LPP: variants seen among roughly 807,000 people sequenced by gnomAD.
LPP encodes the protein LIM domain containing preferred translocation partner in lipoma.
A neutral mutation model predicts 60.4 loss-of-function variants in LPP; 38 were observed. The observed-to-expected ratio is 0.63, with a 90% CI of 0.49 to 0.83. The LOEUF (loss-of-function observed/expected upper bound fraction) is 0.83. LPP is among the 40% of genes least tolerant of loss of function. The pLI is 0.00. For synonymous variants in LPP, 328 were observed against 290.8 expected (o/e 1.13, Z -1.30); for missense variants, 902 against 783.6 (o/e 1.15, Z -1.80).
chr3:188,467,303 T>A lies in LPP; in HGVS notation c.194-17289T>A, dbSNP rs903916750. 3.0e-4 allele frequency among the ~76,000 whole-genome samples: 46 copies of A among 152,216 alleles called. 1 individual carries two copies. Among genetic ancestry groups the A allele is most frequent in the African/African-American group, 9.9e-4 (41 of 41,548 alleles). ...TCTTAAATAATATGTTTAAATTTTTTAAAAATATGCTGAAATTATAAAGAA... is the reference window on the plus strand; with the variant it reads ...TCTTAAATAATATGTTTAAATTTTTAAAAAATATGCTGAAATTATAAAGAA... On this transcript the variant is annotated intron_variant, in intron 4 of 11. Coordinates refer to ENST00000617246, the MANE Select transcript of LPP (RefSeq NM_001375462.1).
chr3:188,514,487 A>C lies in LPP; in HGVS notation c.307-10178A>C, dbSNP rs142766784. Among the ~76,000 whole-genome samples, 96 of 150,962 alleles carry C rather than the reference A, an allele frequency of 6.4e-4. 2 individuals carry two copies. In the East Asian group the frequency reaches 0.013, roughly 21 times the overall value. Reference sequence around the variant, plus strand: ...GTTTCACTCTTGTTGCCCAGGCTGGAGTGCAGTGGTAAGATCTTGGCTCAC... The same window carrying C: ...GTTTCACTCTTGTTGCCCAGGCTGGCGTGCAGTGGTAAGATCTTGGCTCAC... On this transcript the variant is annotated intron_variant, in intron 5 of 11. Coordinates refer to ENST00000617246, the MANE Select transcript of LPP (RefSeq NM_001375462.1).
intron 5 of LPP, among the ~76,000 whole-genome samples, chr3:188,505,189 C>A (rs1484355400): frequency 6.6e-6 from 1 of 152,182 alleles, no homozygotes; most frequent in African/African-American, 2.4e-5. Flanking sequence ...GGTGGCAGTG[C>A]AATCGTTGTC....
intron 6 of LPP, among the ~76,000 whole-genome samples, chr3:188,582,027 T>G (rs1836289871): frequency 6.6e-6 from 1 of 152,094 alleles, no homozygotes; most frequent in South Asian, 2.1e-4. Flanking sequence ...TTGCCAACTT[T>G]TCACAGTTAT....
chr3:188,568,725 A>G (rs937308693), intron 6 of LPP: 2 of 151,932 alleles, frequency 1.3e-5, no homozygotes, highest in African/African-American at 4.8e-5. Context: ...AACTTGTAGG[A>G]GTTTGCGAGG....
At chr3:188,304,440 A>G (rs1750877337) in intron 2 of LPP, among the ~76,000 whole-genome samples, 1 of 152,190 alleles carries the variant, frequency 6.6e-6, no homozygotes, top group African/African-American at 2.4e-5. Context: ...AAGTTACTAA[A>G]TTTAGTTTTC....
At chr3:188,429,270 A>G (rs1790296863) in intron 4 of LPP, among the ~76,000 whole-genome samples, 1 of 152,194 alleles carries the variant, frequency 6.6e-6, no homozygotes, top group South Asian at 2.1e-4. Flanking sequence ...ACAATACTTT[A>G]GAAATGATAG....
chr3:188,286,790 A>G (rs902693096), intron 2 of LPP, among the ~76,000 whole-genome samples: 2 of 152,234 alleles, frequency 1.3e-5, no homozygotes, highest in African/African-American at 4.8e-5. Context: ...TGGAGGATAT[A>G]TATTTCAAAT....
chr3:188,240,194 T>A (rs1723535687), intron 2 of LPP: 2 of 181,140 alleles, frequency 1.1e-5, no homozygotes. Flanking sequence ...TATCTGTGTG[T>A]TTCATTTTCC....
chr3:188,651,137 C>T (rs1164767134), intron 7 of LPP, among the ~76,000 whole-genome samples: 1 of 152,170 alleles, frequency 6.6e-6, no homozygotes, highest in African/African-American at 2.4e-5. Context: ...TAGACAAATT[C>T]CCTTTCAACT....
chr3:188,720,057 C>A lies in LPP; in HGVS notation c.1240+11664C>A, dbSNP rs184026746. Among the ~76,000 whole-genome samples the A allele has an allele frequency of 7.2e-3, 1,098 of 152,254 alleles. 4 individuals are homozygous for A. The highest frequency in any genetic ancestry group is 0.011 in the Non-Finnish European group (720 of 68,014). ...CCTCCCAAGTAGATGGGACTACAGG[C>A]ACGTGCCACCACGCCCAGCTAATTT... On this transcript the variant is annotated intron_variant, in intron 8 of 11. Transcript: ENST00000617246.
chr3:188,629,619 A>C (rs1205177629), intron 7 of LPP, among the ~76,000 whole-genome samples: 1 of 152,152 alleles, frequency 6.6e-6, no homozygotes, highest in Non-Finnish European at 1.5e-5. Flanking sequence ...TAGGAAAAAA[A>C]TCAATATTGT....
intron 4 of LPP, among the ~76,000 whole-genome samples, chr3:188,437,576 A>G (rs761735040): frequency 5.9e-5 from 9 of 152,204 alleles, no homozygotes; most frequent in African/African-American, 2.2e-4. Context: ...CTTTGCCAAT[A>G]TATGTTTATA....
At chr3:188,742,367 A>G (rs1437547737) in intron 8 of LPP, among the ~76,000 whole-genome samples, 1 of 152,140 alleles carries the variant, frequency 6.6e-6, no homozygotes, top group Non-Finnish European at 1.5e-5. Context: ...TATATTTATA[A>G]TGGCCAAAAA....
At chr3:188,441,147 C>T (rs1190262985) in intron 4 of LPP, among the ~76,000 whole-genome samples, 1 of 152,068 alleles carries the variant, frequency 6.6e-6, no homozygotes, top group East Asian at 1.9e-4. Flanking sequence ...TGAATTCTTA[C>T]ATATCAACCC....
chr3:188,356,315 C>T (rs1490765081), intron 3 of LPP, among the ~76,000 whole-genome samples: 4 of 152,072 alleles, frequency 2.6e-5, no homozygotes, highest in African/African-American at 7.2e-5. Flanking sequence ...CTCACTAGTT[C>T]GTGGATCACA....
intron 6 of LPP, among the ~76,000 whole-genome samples, chr3:188,554,909 A>T (rs914840235): frequency 3.9e-5 from 6 of 152,178 alleles, no homozygotes; most frequent in Non-Finnish European, 1.5e-5. Context: ...AAAAGAGTTT[A>T]TATTACTGTG....
intron 7 of LPP, among the ~76,000 whole-genome samples, chr3:188,660,942 A>G (rs922250739): frequency 1.3e-5 from 2 of 152,134 alleles, no homozygotes; most frequent in Non-Finnish European, 2.9e-5. Context: ...ATTTCCCGTC[A>G]TAGAATCATG....
intron 2 of LPP, among the ~76,000 whole-genome samples, chr3:188,306,036 T>C (rs1751413623): frequency 6.6e-6 from 1 of 152,202 alleles, no homozygotes; most frequent in Non-Finnish European, 1.5e-5. Context: ...TTATCCTCTC[T>C]AGGGTTGTTT....
chr3:188,314,193 T>G (rs993223275), intron 2 of LPP, among the ~76,000 whole-genome samples: 1 of 152,220 alleles, frequency 6.6e-6, no homozygotes, highest in South Asian at 2.1e-4. Context: ...CTGAGTTTAA[T>G]GGGAATGCTC....
Sources: allele counts gnomAD v4.1 joint callset (sites outside exome capture counted in the v4.1 genomes callset), GRCh38; gene constraint gnomAD v4.1.1; transcripts MANE v1.5; gene names NCBI Gene and HGNC (gene_info 2026-07-23, HGNC 2026-07-21).